Variants in ERC1 observed in about 807,000 individuals in gnomAD.
ERC1 encodes RAB6 interacting protein 2.
A neutral mutation model predicts 132.0 loss-of-function variants in ERC1; 56 were observed. That is an observed-to-expected ratio of 0.42 (90% CI 0.34 to 0.53). The LOEUF is 0.53. ERC1 is among the 20% of genes least tolerant of loss of function. The probability of loss-of-function intolerance (pLI) is 0.03; values close to 1 mark genes in which losing one functional copy is unlikely to be tolerated. For synonymous variants in ERC1, 478 were observed against 476.1 expected (o/e 1.00, Z -0.05); for missense variants, 1,202 against 1,349.9 (o/e 0.89, Z 1.72).
At chr12:1,349,660 T>TA (rs57752848) in intron 15 of ERC1, among the ~76,000 whole-genome samples, 12,782 of 107,460 alleles carry the variant, frequency 0.12, 787 homozygotes, top group South Asian at 0.2. Flanking sequence ...TGAGACCGTC[T>TA]AAAAAAAAAA....
chr12:1,424,996 T>G (rs1423654144), intron 17 of ERC1, among the ~76,000 whole-genome samples: 1 of 152,160 alleles, frequency 6.6e-6, no homozygotes, highest in Non-Finnish European at 1.5e-5. Context: ...CTCAAGAAGC[T>G]TTTTCTTAAA....
At chr12:1,165,595 A>G (rs1952339703) in intron 8 of ERC1, among the ~76,000 whole-genome samples, 1 of 152,088 alleles carries the variant, frequency 6.6e-6, no homozygotes, top group Non-Finnish European at 1.5e-5. Flanking sequence ...GGCCTCCCAA[A>G]GTGCTGGGAT....
At chr12:1,050,121 C>A (rs553581885) in intron 2 of ERC1, among the ~76,000 whole-genome samples, 1 of 152,242 alleles carries the variant, frequency 6.6e-6, no homozygotes, top group South Asian at 2.1e-4. Context: ...GTTCCACAAC[C>A]TCCTGGGGTG....
chr12:1,052,509 A>G (rs1972198562), intron 2 of ERC1, among the ~76,000 whole-genome samples: 1 of 152,202 alleles, frequency 6.6e-6, no homozygotes, highest in Non-Finnish European at 1.5e-5. Context: ...TGGGCTTGAG[A>G]TAAGTGCTCT....
At chr12:1,222,138 T>C (rs1010702526) in intron 12 of ERC1, among the ~76,000 whole-genome samples, 9 of 152,084 alleles carry the variant, frequency 5.9e-5, no homozygotes, top group Non-Finnish European at 1.0e-4. Context: ...TATAATCTTA[T>C]ATGCATCTGC....
chr12:994,834 C>T (rs1278756306), intron 1 of ERC1, among the ~76,000 whole-genome samples: 2 of 151,896 alleles, frequency 1.3e-5, no homozygotes, highest in Admixed American at 6.6e-5. Flanking sequence ...CGGTGGCTCA[C>T]GCCTGTAATC....
intron 15 of ERC1, among the ~76,000 whole-genome samples, chr12:1,327,078 C>T: frequency 6.6e-6 from 1 of 152,066 alleles, no homozygotes; most frequent in South Asian, 2.1e-4. Context: ...TAAAAATTAA[C>T]CCAATTTAAC....
At chr12:1,405,973 C>G (rs771823053) in intron 16 of ERC1, among the ~76,000 whole-genome samples, 1 of 151,974 alleles carries the variant, frequency 6.6e-6, no homozygotes, top group Non-Finnish European at 1.5e-5. Flanking sequence ...TACACGTATA[C>G]ATATATGTGT....
chr12:1,137,100 C>CTTTTTTT (rs944757047), intron 7 of ERC1, among the ~76,000 whole-genome samples: 23 of 122,888 alleles, frequency 1.9e-4, no homozygotes, highest in African/African-American at 5.2e-4. Context: ...TTTTTCTTTT[C>CTTTTTTT]TTTTTTTTTT....
At chr12:998,378 A>T (rs971681339) in intron 1 of ERC1, 1 of 152,180 alleles carries the variant, frequency 6.6e-6, no homozygotes, top group African/African-American at 2.4e-5. Context: ...AGGGTCTCTC[A>T]CAAGGCTGCA....
chr12:1,488,044 A>G (rs763486217), intron 18 of ERC1, among the ~76,000 whole-genome samples: 3 of 150,922 alleles, frequency 2.0e-5, no homozygotes, highest in Non-Finnish European at 3.0e-5. Flanking sequence ...AGGCTGAGGC[A>G]GGAGAATGGC....
chr12:1,352,617 A>C (rs78500002), intron 15 of ERC1, among the ~76,000 whole-genome samples: 26,699 of 138,490 alleles, frequency 0.19, 2,760 homozygotes, highest in Non-Finnish European at 0.25. Flanking sequence ...TAAACCCCCC[A>C]CACACACAAA....
At chr12:1,338,493 C>T (rs545722367) in intron 15 of ERC1, among the ~76,000 whole-genome samples, 1 of 152,286 alleles carries the variant, frequency 6.6e-6, no homozygotes, top group South Asian at 2.1e-4. Flanking sequence ...TCCTGCATCT[C>T]AACGATCTGC....
At chr12:1,118,793 CT>C (rs1946731091) in intron 7 of ERC1, among the ~76,000 whole-genome samples, 1 of 152,194 alleles carries the variant, frequency 6.6e-6, no homozygotes, top group Non-Finnish European at 1.5e-5. Context: ...TTTTCTGCAG[CT>C]ATCCCAGACT....
intron 12 of ERC1, among the ~76,000 whole-genome samples, chr12:1,219,210 A>C (rs929088109): frequency 1.3e-5 from 2 of 152,150 alleles, no homozygotes; most frequent in African/African-American, 4.8e-5. Flanking sequence ...ATTATCAAAA[A>C]CACAGCAATA....
chr12:1,420,916 G>A (rs1168444724), intron 17 of ERC1, among the ~76,000 whole-genome samples: 1 of 34,432 alleles, frequency 2.9e-5, no homozygotes, highest in Non-Finnish European at 7.0e-5. Context: ...TTTGGTTTTG[G>A]TTTGGGGGGG....
At chr12:1,325,919 T>A (rs1210990401) in intron 15 of ERC1, among the ~76,000 whole-genome samples, 1 of 152,196 alleles carries the variant, frequency 6.6e-6, no homozygotes, top group East Asian at 1.9e-4. Context: ...TACCATTGTA[T>A]ACAGTCTCTT....
At chr12:1,245,129 A>G (rs2017879597) in intron 13 of ERC1, among the ~76,000 whole-genome samples, 1 of 152,234 alleles carries the variant, frequency 6.6e-6, no homozygotes, top group Non-Finnish European at 1.5e-5. Context: ...AAGTATGCAC[A>G]TGCACATGTA....
chr12:1,022,528 G>A (rs1323665301), intron 1 of ERC1, among the ~76,000 whole-genome samples: 4 of 152,094 alleles, frequency 2.6e-5, no homozygotes, highest in Admixed American at 6.5e-5. Flanking sequence ...GACTGTTACC[G>A]TTTGGCTGTG....
Sources: allele counts gnomAD v4.1 joint callset (sites outside exome capture counted in the v4.1 genomes callset), GRCh38; gene constraint gnomAD v4.1.1; transcripts MANE v1.5; gene names NCBI Gene and HGNC (gene_info 2026-07-23, HGNC 2026-07-21).